The following RTL1 variants were observed in gnomAD, a reference collection of about 807,000 sequenced individuals.
RTL1 encodes the protein retrotransposon Gag like 1, also known as retrotransposon-like protein 1.
For missense variants in RTL1, 1,681 were observed against 1,767.5 expected, an observed-to-expected ratio of 0.95 and a Z score of 0.88; for synonymous variants, 727 against 748.4, an observed-to-expected ratio of 0.97 and a Z score of 0.47.
In RTL1 at chr14:100,887,625, A is replaced by T. The variant is rs372419801; in HGVS notation, c.-86-2751T>A. ...AAAAATTAGCCGGGAGTAGTGGCTC[A>T]TGCCCGTAATCCTAGCTACTTCTCC... On this transcript the variant is annotated intron_variant, in intron 3 of 3. Coordinates refer to ENST00000649591, the MANE Select transcript of RTL1 (RefSeq NM_001134888.3). Among the ~76,000 whole-genome samples, 25 of 146,638 alleles carry T rather than the reference A, an allele frequency of 1.7e-4. 1 individual carries two copies. Among genetic ancestry groups the T allele is most frequent in the African/African-American group, 5.8e-4 (24 of 41,268 alleles).
Position 100,883,928 on chromosome 14 carries a change from T to C in RTL1, c.861A>G (p.Ala287=). 2 of 1,551,664 alleles carry C rather than the reference T, an allele frequency of 1.3e-6. No individual in the cohort carries two copies. The highest frequency in any genetic ancestry group is 1.7e-6 in the Non-Finnish European group (2 of 1,146,998). Residue 287 remains alanine, a synonymous_variant, in exon 4 of 4, where the codon GCA becomes GCG. Coordinates refer to ENST00000649591, the MANE Select transcript of RTL1 (RefSeq NM_001134888.3). The surrounding 1 kb of genome is among the most constrained non-coding windows in gnomAD (Gnocchi z 5.9). ...VFEYRQALRV[A]EEAMFTIRQG... The stretch of plus-strand genomic sequence containing the variant: ...GCCTGATGGTGAACATGGCCTCTTC[T>C]GCCACACGCAGTGCCTGGCGGTACT...
chr14:100,880,598 A>G lies in RTL1; in HGVS notation c.*114T>C. ...TTCACAAGTGGGTTCCTCTTGGGTCAGGAGTGGCAGGAAGGGAAGCGAAGC... is the reference window on the plus strand; with the variant it reads ...TTCACAAGTGGGTTCCTCTTGGGTCGGGAGTGGCAGGAAGGGAAGCGAAGC... On this transcript the variant is annotated 3_prime_UTR_variant, in exon 4 of 4. Transcript: ENST00000649591. The G allele has an allele frequency of 6.7e-7, 1 of 1,492,098 alleles. No homozygotes were observed. Among genetic ancestry groups the G allele is most frequent in the Non-Finnish European group, 8.9e-7 (1 of 1,122,520 alleles). The allele number at this position is 1,492,098 out of a possible 1,614,324, so 92.4% of individuals were successfully genotyped here.
At position 100,879,981 on chromosome 14, in the gene RTL1, C is replaced by T. The variant is rs1489466075; in HGVS notation, c.*731G>A. The stretch of plus-strand genomic sequence containing the variant: ...TTCAGTGTTGGGAGGGAAAGGCGCC[C>T]CAAGGCATGCAGGGGCCCTCTTTGC... On this transcript the variant is annotated 3_prime_UTR_variant, in exon 4 of 4. Transcript: ENST00000649591. 6.6e-6 allele frequency among the ~76,000 whole-genome samples: 1 copy of T among 151,836 alleles called. No homozygotes were observed. Among genetic ancestry groups the T allele is most frequent in the Non-Finnish European group, 1.5e-5 (1 of 67,980 alleles).
At chr14:100,898,116 T>G (rs928937141) in intron 2 of RTL1, 4 of 287,598 alleles carry the variant, frequency 1.4e-5, no homozygotes, top group Non-Finnish European at 3.0e-5. Flanking sequence ...GAAAGTGCTC[T>G]GGGGGAGGAG....
At chr14:100,890,452 G>A (rs968146876) in intron 3 of RTL1, among the ~76,000 whole-genome samples, 1 of 151,680 alleles carries the variant, frequency 6.6e-6, no homozygotes, top group Non-Finnish European at 1.5e-5. Flanking sequence ...CCTGGGGCGG[G>A]GGGCCGGGGT....
In RTL1 at chr14:100,903,390, G is replaced by A. The variant is rs2038969026; in HGVS notation, c.-244-4C>T. Among the ~76,000 whole-genome samples, 2 of 152,170 alleles carry A rather than the reference G, an allele frequency of 1.3e-5. No homozygotes were observed. The highest frequency in any genetic ancestry group is 1.5e-5 in the Non-Finnish European group (1 of 68,038). ...CTGTCCTCGAAGCTCAGTCGGTCTG[G>A]TGGGGGAAACAAACAGGGAATAAGA... On this transcript the variant is annotated splice_region_variant and splice_polypyrimidine_tract_variant and intron_variant, in intron 1 of 3. Transcript: ENST00000649591.
intron 3 of RTL1, among the ~76,000 whole-genome samples, chr14:100,888,110 C>G (rs193212868): frequency 9.9e-5 from 15 of 152,270 alleles, no homozygotes; most frequent in African/African-American, 2.6e-4. Context: ...GGCTGACATC[C>G]GAACGCCTCT....
At chr14:100,903,440 G>A (rs893769592) in intron 1 of RTL1, among the ~76,000 whole-genome samples, 54 bp from the exon 2 acceptor site, 3 of 152,308 alleles carry the variant, frequency 2.0e-5, no homozygotes, top group Non-Finnish European at 4.4e-5. Context: ...GTGATCAAGA[G>A]GGGGTGCAGG....
In RTL1 at chr14:100,881,488, C is replaced by T. The variant is rs137942742; in HGVS notation, c.3301G>A (p.Val1101Met). The change falls in exon 4 of 4, where the codon GTG (valine) becomes ATG (methionine). Residue 1101 changes from valine (V) to methionine (M), a missense_variant. Physicochemically the swap from Val to Met is conservative, Grantham distance 21. Transcript: ENST00000649591. This position sits in a 1 kb window ranked among gnomAD's most constrained non-coding sequence, Gnocchi z 6.6. The part of the protein sequence containing the change: ...ALAAILVLLR[V>M]RQCLSLRPAP... ...GGCCGCAGCGAGAGGCATTGCCTCA[C>T]GCGCAGTAGCACGAGGATGGCTGCC... 5.0e-5 allele frequency: 78 copies of T among 1,551,350 alleles called. No individual in the cohort carries two copies. The highest frequency in any genetic ancestry group is 6.3e-5 in the Non-Finnish European group (72 of 1,146,988).
rs77956025 is a variant in RTL1 at position 100,903,111 on chromosome 14, A to G, written c.-149+180T>C. ...AGACCGAGAATTTGCATTGTATATA[A>G]CAGCACGAGGGGTAAAGCATGAAGG... On this transcript the variant is annotated intron_variant, in intron 2 of 3. Transcript: ENST00000649591. Among the ~76,000 whole-genome samples, 909 of 152,294 alleles carry G rather than the reference A, an allele frequency of 6.0e-3. 9 individuals carry two copies. The highest frequency in any genetic ancestry group is 0.02 in the African/African-American group (833 of 41,578).
Position 100,883,183 on chromosome 14 carries a change from G to A in RTL1, c.1606C>T (p.Arg536Cys), listed in dbSNP as rs748623466. 13 of 1,571,360 alleles carry A rather than the reference G, an allele frequency of 8.3e-6. No individual in the cohort carries two copies. The highest frequency in any genetic ancestry group is 1.2e-5 in the South Asian group (1 of 86,874). Residue 536 changes from arginine to cysteine, a missense_variant, in exon 4 of 4, where the codon CGC becomes TGC. Coordinates refer to ENST00000649591, the MANE Select transcript of RTL1 (RefSeq NM_001134888.3). This position sits in a 1 kb window ranked among gnomAD's most constrained non-coding sequence, Gnocchi z 5.9. ...HSPYCLKNCFRPPPPCIALER... is the reference protein window; with the variant it reads ...HSPYCLKNCFCPPPPCIALER... The stretch of plus-strand genomic sequence containing the variant: ...AGGGCAATGCATGGCGGGGGCGGGC[G>A]GAAGCAGTTCTTCAGGCAGTAGGGA...
At position 100,884,144 on chromosome 14, in the gene RTL1, C is replaced by G. The variant is rs1484149540; in HGVS notation, c.645G>C (p.Glu215Asp). ...AGGTCAGTTGGCAGAGTACGATGAA[C>G]TCGTGGAATTCTCTGCGATCGCCAG... ...HFSGDRREFHEFIVLCQLTLQ... is the reference protein window; with the variant it reads ...HFSGDRREFHDFIVLCQLTLQ... Residue 215 changes from glutamate (E) to aspartate (D), a missense_variant, in exon 4 of 4, where the codon GAG becomes GAC. Transcript: ENST00000649591. 6.4e-7 allele frequency: 1 copy of G among 1,551,684 alleles called. No individual in the cohort carries two copies.
In RTL1 at chr14:100,882,130, G is replaced by T. The variant is rs888940507; in HGVS notation, c.2659C>A (p.His887Asn). 1.3e-6 allele frequency: 2 copies of T among 1,554,350 alleles called. No homozygotes were observed. Among genetic ancestry groups the T allele is most frequent in the African/African-American group, 2.7e-5 (2 of 73,188 alleles). The change falls in exon 4 of 4, where the codon CAC (histidine) becomes AAC (asparagine). Residue 887 changes from histidine to asparagine, a missense_variant. His to Asn is a moderately conservative substitution (Grantham distance 68). Transcript: ENST00000649591. ...LETGVTGTAL[H>N]ASLIQIDDQT... ...TCGTCGATTTGGATCAGGGAGGCGTGCAGGGCCGTGCCGGTGACGCCGGTT... is the reference window on the plus strand; with the variant it reads ...TCGTCGATTTGGATCAGGGAGGCGTTCAGGGCCGTGCCGGTGACGCCGGTT...
intron 2 of RTL1, chr14:100,897,787 G>GGGGGGGGGT (rs2038888289): frequency 6.0e-6 from 1 of 165,364 alleles, no homozygotes; most frequent in African/African-American, 2.7e-5. Context: ...GCGGGGGGGG[G>GGGGGGGGGT]CAGTGAATTG....
At chr14:100,894,061 G>C (rs1322117411) in intron 2 of RTL1, among the ~76,000 whole-genome samples, 2 of 152,184 alleles carry the variant, frequency 1.3e-5, no homozygotes, top group Non-Finnish European at 2.9e-5. Flanking sequence ...CTGTAATGCA[G>C]CTCGTTGGGT....
chr14:100,889,204 T>C (rs1323546472), intron 3 of RTL1, among the ~76,000 whole-genome samples: 1 of 152,190 alleles, frequency 6.6e-6, no homozygotes, highest in Non-Finnish European at 1.5e-5. Context: ...AAACTCTTGC[T>C]TAAAATCTCA....
chr14:100,881,806 GT>G lies in RTL1; in HGVS notation c.2982del (p.Pro995LeufsTer2). 1 of 1,613,994 alleles carries G rather than the reference GT, an allele frequency of 6.2e-7. No individual in the cohort carries two copies. Among genetic ancestry groups the G allele is most frequent in the Non-Finnish European group, 8.5e-7 (1 of 1,180,020 alleles). On this transcript the variant is annotated frameshift_variant, in exon 4 of 4. Transcript: ENST00000649591. LOFTEE classifies it low-confidence loss of function (END_TRUNC). This position sits in a 1 kb window ranked among gnomAD's most constrained non-coding sequence, Gnocchi z 6.6. ...CTCCTCCACCGGAGGTTTCTCACAG[GT>G]GGCAGAGCTCGGCCGCCGTCTTGTT... Reference protein sequence around the residue: ...LPEQDGGRALPPVRNLRWRRA... With the variant: ...LPEQDGGRALXPVRNLRWRRA...
chr14:100,890,074 G>GGAAAAAAA lies in RTL1; in HGVS notation c.-87+3369_-87+3370insTTTTTTTC, dbSNP rs554899525. Among the ~76,000 whole-genome samples, 150 of 123,854 alleles carry GGAAAAAAA rather than the reference G, an allele frequency of 1.2e-3. 4 individuals are homozygous for GGAAAAAAA. The highest frequency in any genetic ancestry group is 1.8e-3 in the Non-Finnish European group (108 of 59,986). The allele number at this position is 123,854 out of a possible 152,430, so 81.3% of individuals were successfully genotyped here. ...TGATTTGAAAATTCCCGCCTTATTT[G>GGAAAAAAA]AAAAAAAAAAAAAAAAAAAGAAGCC... On this transcript the variant is annotated intron_variant, in intron 3 of 3. Transcript: ENST00000649591.
Position 100,883,519 on chromosome 14 carries a change from C to A in RTL1, c.1270G>T (p.Ala424Ser). The change falls in exon 4 of 4, where the codon GCG (alanine) becomes TCG (serine). Residue 424 changes from alanine (A) to serine (S), a missense_variant. Physicochemically the swap from Ala to Ser is moderately conservative, Grantham distance 99 (BLOSUM62 1). Coordinates refer to ENST00000649591, the MANE Select transcript of RTL1 (RefSeq NM_001134888.3). The surrounding 1 kb of genome is among the most constrained non-coding windows in gnomAD (Gnocchi z 5.9). ...MVRVNPYHSV[A>S]VQALVDSGAD... ...CCCGAATCCACCAGGGCCTGGACCG[C>A]GACGCTGTGGTAGGGGTTCACTCTC... 1 of 1,551,472 alleles carries A rather than the reference C, an allele frequency of 6.4e-7. No homozygotes were observed. Among genetic ancestry groups the A allele is most frequent in the Non-Finnish European group, 8.7e-7 (1 of 1,146,994 alleles).
Sources: gnomAD v4.1 joint callset for allele counts (sites outside exome capture counted in the v4.1 genomes callset) on GRCh38, gnomAD v4.1.1 for gene constraint, Gnocchi (gnomAD v3.1) non-coding constraint, MANE v1.5 for transcripts, NCBI Gene and HGNC (gene_info 2026-07-23, HGNC 2026-07-21) for gene names.